The following BMPR1B variants were observed in gnomAD, a reference collection of about 807,000 sequenced individuals.
BMPR1B encodes bone morphogenetic protein receptor type-1B.
BMPR1B carries 12 observed loss-of-function variants against 59.1 expected under a neutral mutation model. That is an observed-to-expected ratio of 0.20 (90% CI 0.13 to 0.33). The LOEUF (loss-of-function observed/expected upper bound fraction) is 0.33. Among genes scored for constraint, BMPR1B ranks in the 10% least tolerant of loss-of-function variants. BMPR1B has a pLI of 1.00. For synonymous variants in BMPR1B, 237 were observed against 207.3 expected, an observed-to-expected ratio of 1.14 and a Z score of -1.23; for missense variants, 550 against 610.9, an observed-to-expected ratio of 0.90 and a Z score of 1.05.
At chr4:95,010,619 G>GT (rs1723154178) in intron 3 of BMPR1B, among the ~76,000 whole-genome samples, 1 of 152,184 alleles carries the variant, frequency 6.6e-6, no homozygotes, top group South Asian at 2.1e-4. Flanking sequence ...AAATTGGTTA[G>GT]TTCTTCCCTT....
intron 2 of BMPR1B, among the ~76,000 whole-genome samples, chr4:94,893,606 A>C (rs1174247404): frequency 6.6e-6 from 1 of 151,954 alleles, no homozygotes. Context: ...GGCTTTCTCT[A>C]ATCAGTGAGA....
chr4:95,070,064 A>G (rs1728159518), intron 3 of BMPR1B, among the ~76,000 whole-genome samples: 1 of 152,206 alleles, frequency 6.6e-6, no homozygotes, highest in Non-Finnish European at 1.5e-5. Context: ...GCGCCATTGC[A>G]CTCCAGCCTG....
intron 2 of BMPR1B, among the ~76,000 whole-genome samples, chr4:94,980,588 A>G (rs1272431622): frequency 1.3e-5 from 2 of 152,076 alleles, no homozygotes; most frequent in Non-Finnish European, 2.9e-5. Flanking sequence ...GCATATGTGC[A>G]TTGTCCCAGT....
chr4:95,030,630 C>T (rs1352719547), intron 3 of BMPR1B, among the ~76,000 whole-genome samples: 2 of 152,062 alleles, frequency 1.3e-5, no homozygotes, highest in African/African-American at 4.8e-5. Flanking sequence ...CCCATTGTCT[C>T]AGCCCAAAAT....
At chr4:94,950,123 T>C (rs1426532512) in intron 2 of BMPR1B, among the ~76,000 whole-genome samples, 1 of 152,208 alleles carries the variant, frequency 6.6e-6, no homozygotes, top group African/African-American at 2.4e-5. Flanking sequence ...CTTTGCCCAC[T>C]TTTTGATGGG....
At chr4:94,820,361 T>G (rs961024508) in intron 1 of BMPR1B, among the ~76,000 whole-genome samples, 34 of 152,222 alleles carry the variant, frequency 2.2e-4, no homozygotes, top group African/African-American at 7.7e-4. Context: ...TTGGAGAACC[T>G]TACATAACTC....
At chr4:94,949,314 T>TATGGCTGCA (rs1406901953) in intron 2 of BMPR1B, among the ~76,000 whole-genome samples, 50 of 103,560 alleles carry the variant, frequency 4.8e-4, no homozygotes, top group African/African-American at 7.0e-4. Flanking sequence ...CATTCTTTTT[T>TATGGCTGCA]TTTTTTTTTT....
intron 1 of BMPR1B, among the ~76,000 whole-genome samples, chr4:94,840,773 G>A (rs1001875310): frequency 6.7e-6 from 1 of 148,772 alleles, no homozygotes. Flanking sequence ...TGTCAAAGTC[G>A]TTCTCCGTCC....
intron 2 of BMPR1B, among the ~76,000 whole-genome samples, chr4:94,891,508 A>G (rs1175491314): frequency 6.6e-6 from 1 of 152,094 alleles, no homozygotes; most frequent in Non-Finnish European, 1.5e-5. Flanking sequence ...GGCTTTCATC[A>G]TATGGTTAAC....
chr4:94,951,840 T>C (rs1486409212), intron 2 of BMPR1B, among the ~76,000 whole-genome samples: 1 of 152,206 alleles, frequency 6.6e-6, no homozygotes. Context: ...TGGTACCAGC[T>C]CTTCTTTTTA....
At chr4:94,912,047 A>G (rs1400187924) in intron 2 of BMPR1B, among the ~76,000 whole-genome samples, 3 of 152,170 alleles carry the variant, frequency 2.0e-5, no homozygotes, top group Non-Finnish European at 4.4e-5. Context: ...AATGAAGAGC[A>G]CATCCTGTCT....
intron 3 of BMPR1B, among the ~76,000 whole-genome samples, chr4:95,078,702 T>C (rs1182063336): frequency 6.6e-6 from 1 of 152,192 alleles, no homozygotes; most frequent in Non-Finnish European, 1.5e-5. Flanking sequence ...CACTCCTTAT[T>C]TATCTAAAAC....
intron 2 of BMPR1B, among the ~76,000 whole-genome samples, chr4:94,903,486 A>G (rs991598665): frequency 1.3e-5 from 2 of 150,878 alleles, no homozygotes; most frequent in Admixed American, 6.6e-5. Context: ...ATAAAAATTT[A>G]TATTCTTGTA....
intron 6 of BMPR1B, among the ~76,000 whole-genome samples, chr4:95,116,419 G>A (rs930495296): frequency 0.046 from 2,341 of 51,072 alleles, 71 homozygotes; most frequent in African/African-American, 0.19. Context: ...CTTTCAGCGC[G>A]CGCACACACA....
chr4:94,865,648 C>A (rs1248804524), intron 1 of BMPR1B, among the ~76,000 whole-genome samples: 13 of 152,182 alleles, frequency 8.5e-5, no homozygotes, highest in Admixed American at 8.5e-4. Context: ...GCCTCAGCCT[C>A]CCAAAGTGCT....
chr4:94,841,440 C>G (rs1324405865), intron 1 of BMPR1B, among the ~76,000 whole-genome samples: 1 of 152,134 alleles, frequency 6.6e-6, no homozygotes, highest in Non-Finnish European at 1.5e-5. Context: ...ACCCTCCGAG[C>G]CAGGTGTGGG....
chr4:95,154,254 A>G (rs974141015), intron 12 of BMPR1B, among the ~76,000 whole-genome samples: 2 of 152,218 alleles, frequency 1.3e-5, no homozygotes, highest in African/African-American at 4.8e-5. Context: ...GGGAGTATTG[A>G]GTGGAATACA....
chr4:95,017,830 G>C (rs1723689121), intron 3 of BMPR1B, among the ~76,000 whole-genome samples: 1 of 152,132 alleles, frequency 6.6e-6, no homozygotes, highest in Admixed American at 6.5e-5. Flanking sequence ...TTCAGGATTT[G>C]TAGATAGTGT....
intron 2 of BMPR1B, among the ~76,000 whole-genome samples, chr4:94,888,819 T>G (rs932828902): frequency 2.0e-5 from 3 of 152,218 alleles, no homozygotes; most frequent in African/African-American, 7.2e-5. Context: ...TCAATTTTAT[T>G]GTTAGAAATG....
Sources: allele counts gnomAD v4.1 joint callset (sites outside exome capture counted in the v4.1 genomes callset), GRCh38; gene constraint gnomAD v4.1.1; transcripts MANE v1.5; gene names NCBI Gene and HGNC (gene_info 2026-07-23, HGNC 2026-07-21).